Variants in KCNK10 observed in about 807,000 individuals in gnomAD.
KCNK10 encodes the protein potassium channel subfamily K member 10.
In KCNK10, 25 loss-of-function variants were observed where a neutral mutation model predicts 47.7. The ratio of observed to expected loss-of-function variants is 0.52; its 90% CI spans 0.38 to 0.73. The LOEUF (loss-of-function observed/expected upper bound fraction) is 0.73, where lower values mean the gene tolerates loss of function less well. Ranked by LOEUF, KCNK10 falls within the 30% of genes least tolerant of loss-of-function variation. The probability of loss-of-function intolerance (pLI) is 0.00; values close to 1 mark genes in which losing one functional copy is unlikely to be tolerated. For missense variants in KCNK10, 563 were observed against 714.5 expected, an observed-to-expected ratio of 0.79 and a Z score of 2.42; for synonymous variants, 303 against 285.6, an observed-to-expected ratio of 1.06 and a Z score of -0.61.
intron 1 of KCNK10, chr14:88,270,842 T>C: frequency 1.5e-5 from 12 of 780,918 alleles, no homozygotes; most frequent in South Asian, 1.2e-4. Context: ...TGTGATCACA[T>C]GGACCCTTGC....
intron 3 of KCNK10, among the ~76,000 whole-genome samples, chr14:88,233,704 A>G (rs941217165): frequency 2.0e-5 from 3 of 152,232 alleles, no homozygotes; most frequent in Non-Finnish European, 2.9e-5. Context: ...TGGAGCCACC[A>G]TTCCTCAGTC....
intron 4 of KCNK10, among the ~76,000 whole-genome samples, chr14:88,206,629 C>T (rs1885283701): frequency 6.6e-6 from 1 of 152,264 alleles, no homozygotes; most frequent in African/African-American, 2.4e-5. Flanking sequence ...ATCAACACAA[C>T]ATACCTGAAC....
chr14:88,263,811 G>A (rs960574476), intron 1 of KCNK10, among the ~76,000 whole-genome samples: 5 of 151,248 alleles, frequency 3.3e-5, no homozygotes, highest in Admixed American at 2.0e-4. Flanking sequence ...ATTTTTCTAC[G>A]AGGGTCCAAA....
At chr14:88,261,315 A>G (rs569104769) in intron 2 of KCNK10, among the ~76,000 whole-genome samples, 1 of 152,302 alleles carries the variant, frequency 6.6e-6, no homozygotes, top group Non-Finnish European at 1.5e-5. Flanking sequence ...TCATATCACA[A>G]CAATGTGTAT....
chr14:88,239,472 G>A (rs1487158384), intron 3 of KCNK10, among the ~76,000 whole-genome samples: 1 of 152,196 alleles, frequency 6.6e-6, no homozygotes, highest in African/African-American at 2.4e-5. Flanking sequence ...TGGAAAAAGA[G>A]AGAAAAGAGA....
intron 1 of KCNK10, among the ~76,000 whole-genome samples, chr14:88,269,996 G>T (rs1742132): frequency 0.67 from 102,256 of 152,046 alleles, 34,771 homozygotes; most frequent in East Asian, 0.94. Context: ...TCAGTGCCAC[G>T]GTCACACAGC....
intron 4 of KCNK10, among the ~76,000 whole-genome samples, chr14:88,211,343 G>A (rs1029429298): frequency 6.6e-6 from 1 of 152,204 alleles, no homozygotes; most frequent in Non-Finnish European, 1.5e-5. Flanking sequence ...TGGTCACCAG[G>A]AGCTGGGGGA....
intron 4 of KCNK10, among the ~76,000 whole-genome samples, chr14:88,197,892 G>C (rs1242644389): frequency 6.8e-6 from 1 of 146,644 alleles, no homozygotes; most frequent in Non-Finnish European, 1.5e-5. Flanking sequence ...GAGAGAGAGA[G>C]AGAAGGGGAA....
At chr14:88,259,332 T>C (rs1887045155) in intron 2 of KCNK10, among the ~76,000 whole-genome samples, 1 of 152,198 alleles carries the variant, frequency 6.6e-6, no homozygotes, top group Non-Finnish European at 1.5e-5. Context: ...AGACTGTAGA[T>C]AAACACAAGG....
chr14:88,306,184 C>T (rs1888199474), intron 1 of KCNK10, among the ~76,000 whole-genome samples: 1 of 152,178 alleles, frequency 6.6e-6, no homozygotes, highest in Admixed American at 6.5e-5. Flanking sequence ...AGGAATGGGG[C>T]CACTTCCATG....
chr14:88,199,690 G>A (rs1885037443), intron 4 of KCNK10, among the ~76,000 whole-genome samples: 1 of 152,168 alleles, frequency 6.6e-6, no homozygotes, highest in Non-Finnish European at 1.5e-5. Flanking sequence ...AGAGTACCCA[G>A]AACACGTAAA....
intron 4 of KCNK10, among the ~76,000 whole-genome samples, chr14:88,194,733 C>A (rs185417949): frequency 6.6e-6 from 1 of 152,222 alleles, no homozygotes; most frequent in African/African-American, 2.4e-5. Flanking sequence ...CTACTGGAGA[C>A]TTTATCAGCA....
chr14:88,289,711 T>C (rs1887838426), intron 1 of KCNK10, among the ~76,000 whole-genome samples: 2 of 152,236 alleles, frequency 1.3e-5, no homozygotes, highest in African/African-American at 4.8e-5. Flanking sequence ...CTCATGTCCT[T>C]AGCTCTGTGG....
chr14:88,263,657 A>T, intron 1 of KCNK10, 106 bp from the exon 2 acceptor site: 1 of 1,022,748 alleles, frequency 9.8e-7, no homozygotes, highest in Non-Finnish European at 1.4e-6. Context: ...CAGCTTTCAA[A>T]TGTGAGGATG....
upstream of KCNK10, chr14:88,326,912 T>G: frequency 5.6e-6 from 1 of 179,264 alleles, no homozygotes; most frequent in Non-Finnish European, 1.1e-5. Context: ...GCCTGCCGCG[T>G]GGGGAGTCTC....
chr14:88,313,968 T>C (rs1888377499), intron 1 of KCNK10, among the ~76,000 whole-genome samples: 1 of 152,194 alleles, frequency 6.6e-6, no homozygotes, highest in Admixed American at 6.5e-5. Flanking sequence ...TTTTGGGAAA[T>C]GTTGGTCTGG....
At chr14:88,197,639 T>C (rs1018974598) in intron 4 of KCNK10, among the ~76,000 whole-genome samples, 3 of 134,222 alleles carry the variant, frequency 2.2e-5, no homozygotes, top group African/African-American at 8.4e-5. Flanking sequence ...AGGAAGACTT[T>C]AATTAAAATT....
intron 2 of KCNK10, among the ~76,000 whole-genome samples, chr14:88,242,694 T>C (rs12888330): frequency 0.029 from 4,442 of 152,318 alleles, 97 homozygotes; most frequent in Middle Eastern, 0.041. Flanking sequence ...AGGTATGTTC[T>C]GCTCTGCTCT....
intron 4 of KCNK10, 55 bp from the exon 5 acceptor site, chr14:88,192,465 G>T: frequency 6.9e-7 from 1 of 1,454,816 alleles, no homozygotes; most frequent in Non-Finnish European, 9.5e-7. Context: ...CCTGGATTCA[G>T]GATATAGATG....
Sources: allele counts gnomAD v4.1 joint callset (sites outside exome capture counted in the v4.1 genomes callset), GRCh38; gene constraint gnomAD v4.1.1; transcripts MANE v1.5; gene names NCBI Gene and HGNC (gene_info 2026-07-23, HGNC 2026-07-21).